WIPF1: variants seen among roughly 807,000 people sequenced by gnomAD.
WIPF1 encodes WAS/WASL-interacting protein family member 1.
In WIPF1, 13 loss-of-function variants were observed where a neutral mutation model predicts 35.4. The ratio of observed to expected loss-of-function variants is 0.37; its 90% CI spans 0.24 to 0.58. WIPF1 has a LOEUF of 0.58. WIPF1 is among the 20% of genes least tolerant of loss of function. The pLI is 0.74. For synonymous variants in WIPF1, 267 were observed against 266.3 expected, an observed-to-expected ratio of 1.00 and a Z score of -0.02; for missense variants, 591 against 667.0, an observed-to-expected ratio of 0.89 and a Z score of 1.25.
exon 1 of WIPF1, chr2:174,682,774 C>A (rs1330516847): frequency 6.6e-6 from 1 of 151,644 alleles, no homozygotes; most frequent in Non-Finnish European, 1.5e-5. Context: ...CGTCCCTTAC[C>A]GCGCAGCGGC....
chr2:174,623,185 T>C (rs1413031821), intron 1 of WIPF1, among the ~76,000 whole-genome samples: 1 of 152,230 alleles, frequency 6.6e-6, no homozygotes, highest in Non-Finnish European at 1.5e-5. Context: ...GTGTATTAGT[T>C]AGTCTATTGT....
intron 1 of WIPF1, among the ~76,000 whole-genome samples, chr2:174,603,658 A>T (rs1686072310): frequency 1.3e-5 from 2 of 152,232 alleles, no homozygotes; most frequent in Non-Finnish European, 2.9e-5. Context: ...AAAACTGACT[A>T]GAGGCACAGA....
upstream of WIPF1, among the ~76,000 whole-genome samples, chr2:174,599,124 A>C (rs1284248447): frequency 2.0e-5 from 3 of 152,216 alleles, no homozygotes; most frequent in Non-Finnish European, 2.9e-5. Flanking sequence ...ACATTGCCTT[A>C]CCTGTAAAGT....
At chr2:174,633,546 T>C (rs1022507565) in intron 1 of WIPF1, among the ~76,000 whole-genome samples, 7 of 152,222 alleles carry the variant, frequency 4.6e-5, no homozygotes, top group Non-Finnish European at 1.0e-4. Flanking sequence ...AGTCCAATAA[T>C]GTAGGAACTT....
At chr2:174,668,707 T>C (rs1687945576) in intron 1 of WIPF1, among the ~76,000 whole-genome samples, 1 of 152,212 alleles carries the variant, frequency 6.6e-6, no homozygotes, top group Admixed American at 6.5e-5. Context: ...CCTTCACTGC[T>C]TCCCGCTGCC....
chr2:174,637,706 G>T (rs937570181), intron 1 of WIPF1, among the ~76,000 whole-genome samples: 4 of 152,224 alleles, frequency 2.6e-5, no homozygotes, highest in Non-Finnish European at 4.4e-5. Flanking sequence ...AGAACGGTGT[G>T]AACCCGGGAG....
At chr2:174,567,306 G>C in intron 6 of WIPF1, 123 bp from the exon 7 acceptor site, 3 of 881,028 alleles carry the variant, frequency 3.4e-6, no homozygotes, top group Non-Finnish European at 3.5e-6. Context: ...TTTATGCCTA[G>C]AAGTTTACAG....
upstream of WIPF1, among the ~76,000 whole-genome samples, chr2:174,598,646 G>T (rs1262831459): frequency 3.3e-5 from 5 of 152,096 alleles, no homozygotes; most frequent in East Asian, 9.6e-4. Context: ...ACGTGATTTT[G>T]GTGCCCAAGT....
In WIPF1 at chr2:174,562,400, C is replaced by T; in HGVS notation, c.*147G>A. 6.6e-7 allele frequency: 1 copy of T among 1,509,586 alleles called. No individual in the cohort carries two copies. Among genetic ancestry groups the T allele is most frequent in the East Asian group, 2.4e-5 (1 of 41,024 alleles). The allele number at this position is 1,509,586 out of a possible 1,614,324, so 93.5% of individuals were successfully genotyped here. A position where few individuals can be genotyped will look rare whatever the true frequency, so the allele number is the denominator to read the frequency against. On this transcript the variant is annotated 3_prime_UTR_variant, in exon 8 of 8. Coordinates refer to ENST00000679041, the MANE Select transcript of WIPF1 (RefSeq NM_001375834.1). Reference sequence around the variant, plus strand: ...TAGGTGCATTTCTTACCGATTCCCACCCACACACGCATATTCCCACTCCCC... The same window carrying T: ...TAGGTGCATTTCTTACCGATTCCCATCCACACACGCATATTCCCACTCCCC...
intron 1 of WIPF1, among the ~76,000 whole-genome samples, chr2:174,660,483 AC>A (rs1687735373): frequency 6.6e-6 from 1 of 152,124 alleles, no homozygotes; most frequent in African/African-American, 2.4e-5. Context: ...AGAGATTTTC[AC>A]ATCTGCACCA....
Position 174,626,570 on chromosome 2 carries a change from T to C in WIPF1, c.-38-40959A>G, listed in dbSNP as rs1373255954. ...CTTAGTATCTCCCCTCCACCCCAAATTGCTGTACTCACAGCCCGCCCCATC... is the reference window on the plus strand; with the variant it reads ...CTTAGTATCTCCCCTCCACCCCAAACTGCTGTACTCACAGCCCGCCCCATC... On this transcript the variant is annotated intron_variant, in intron 1 of 8. Coordinates refer to the WIPF1 transcript ENST00000272746. Among the ~76,000 whole-genome samples the C allele has an allele frequency of 3.3e-5, 5 of 152,172 alleles. No homozygotes were observed. In the East Asian group the frequency reaches 7.7e-4, roughly 23 times the overall value.
At chr2:174,593,314 C>T (rs1179452675) in intron 1 of WIPF1, among the ~76,000 whole-genome samples, 5 of 152,084 alleles carry the variant, frequency 3.3e-5, no homozygotes, top group Non-Finnish European at 7.4e-5. Context: ...ATTTATAATA[C>T]ATGTAACACA....
Position 174,562,391 on chromosome 2 carries a change from C to A in WIPF1, c.*156G>T. On this transcript the variant is annotated 3_prime_UTR_variant, in exon 8 of 8. Transcript: ENST00000679041. ...ATGAAAAGCTAGGTGCATTTCTTAC[C>A]GATTCCCACCCACACACGCATATTC... is the stretch of plus-strand genomic sequence containing the variant. The A allele has an allele frequency of 6.7e-7, 1 of 1,495,196 alleles. No individual in the cohort carries two copies. Among genetic ancestry groups the A allele is most frequent in the South Asian group, 1.3e-5 (1 of 75,234 alleles). 92.6% of individuals were successfully genotyped at this position (1,495,196 alleles called of 1,614,324 possible).
chr2:174,630,798 A>G (rs1186365579), intron 1 of WIPF1: 1 of 152,238 alleles, frequency 6.6e-6, no homozygotes, highest in African/African-American at 2.4e-5. Flanking sequence ...CAGGCCGTCT[A>G]TCACATCTTT....
intron 1 of WIPF1, among the ~76,000 whole-genome samples, chr2:174,624,249 C>G (rs1475903460): frequency 3.9e-5 from 6 of 152,164 alleles, no homozygotes; most frequent in Non-Finnish European, 7.3e-5. Context: ...TTTCTAATGA[C>G]AGGTAGGACT....
chr2:174,592,541 AT>A (rs1162845131), intron 1 of WIPF1, among the ~76,000 whole-genome samples: 1 of 151,746 alleles, frequency 6.6e-6, no homozygotes, highest in African/African-American at 2.4e-5. Flanking sequence ...AACTGGATAG[AT>A]TCAAAAATCC....
chr2:174,569,334 G>A (rs1009363531), intron 5 of WIPF1, among the ~76,000 whole-genome samples: 1 of 152,046 alleles, frequency 6.6e-6, no homozygotes, highest in Non-Finnish European at 1.5e-5. Context: ...ACCTGGGAGT[G>A]GTTATTTATT....
At chr2:174,579,596 A>C (rs1685171978) in intron 3 of WIPF1, among the ~76,000 whole-genome samples, 1 of 152,258 alleles carries the variant, frequency 6.6e-6, no homozygotes, top group African/African-American at 2.4e-5. Context: ...CCTTCCATCA[A>C]GGAAAGCACA....
Position 174,587,141 on chromosome 2 carries a change from C to A in WIPF1, c.-38-1530G>T, listed in dbSNP as rs553863559. Among the ~76,000 whole-genome samples the A allele has an allele frequency of 3.7e-4, 56 of 152,142 alleles. No homozygotes were observed. In the South Asian group the frequency reaches 8.7e-3, roughly 24 times the overall value. On this transcript the variant is annotated intron_variant, in intron 1 of 7. Coordinates refer to ENST00000679041, the MANE Select transcript of WIPF1 (RefSeq NM_001375834.1). ...CCTGCCTCACTCCTGAGTAGCTTAGCTAGGACTGCAGGCATATGCCACCAC... is the reference window on the plus strand; with the variant it reads ...CCTGCCTCACTCCTGAGTAGCTTAGATAGGACTGCAGGCATATGCCACCAC...
Sources: gnomAD v4.1 joint callset for allele counts (sites outside exome capture counted in the v4.1 genomes callset) on GRCh38, gnomAD v4.1.1 for gene constraint, MANE v1.5 for transcripts, NCBI Gene and HGNC (gene_info 2026-07-23, HGNC 2026-07-21) for gene names.